Variants in ATP11B observed in about 807,000 individuals in gnomAD.
ATP11B encodes the protein ATPase phospholipid transporting 11B (putative).
In ATP11B, 81 loss-of-function variants were observed where a neutral mutation model predicts 157.8. The observed-to-expected ratio is 0.51, with a 90% CI of 0.43 to 0.62. The LOEUF (loss-of-function observed/expected upper bound fraction) is 0.62. Ranked by LOEUF, ATP11B falls within the 20% of genes least tolerant of loss-of-function variation. ATP11B has a pLI of 0.00. For missense variants in ATP11B, 1,165 were observed against 1,402.2 expected (o/e 0.83, Z 2.70); for synonymous variants, 451 against 469.4 (o/e 0.96, Z 0.51).
At chr3:182,851,561 C>A (rs556379582) in intron 10 of ATP11B, among the ~76,000 whole-genome samples, 2 of 152,204 alleles carry the variant, frequency 1.3e-5, no homozygotes, top group South Asian at 4.1e-4. Context: ...AAAGGTCTTA[C>A]ATTTTACATG....
In ATP11B at chr3:182,828,166, G is replaced by T; in HGVS notation, c.191G>T (p.Arg64Ile). 6.6e-7 allele frequency: 1 copy of T among 1,514,358 alleles called. No homozygotes were observed. The highest frequency in any genetic ancestry group is 8.9e-7 in the Non-Finnish European group (1 of 1,121,490). The allele number at this position is 1,514,358 out of a possible 1,614,324, so 93.8% of individuals were successfully genotyped here. The change falls in exon 3 of 30, where the codon AGA becomes ATA. Residue 64 changes from arginine (R) to isoleucine (I), a missense_variant. Physicochemically the swap from Arg to Ile is moderately conservative, Grantham distance 97. Coordinates refer to ENST00000323116, the MANE Select transcript of ATP11B (RefSeq NM_014616.3). ...FVPKNLFEQF[R>I]RVANFYFLII... ...CCAAAAAATTTATTTGAACAGTTCA[G>T]AAGAGTGGCAAACTTTTATTTTCTT...
intron 29 of ATP11B, 144 bp from the exon 30 acceptor site, chr3:182,917,879 C>T (rs1343699544): frequency 9.1e-6 from 12 of 1,317,320 alleles, no homozygotes; most frequent in South Asian, 2.6e-5. Context: ...TTTGGGCATT[C>T]GATACTAGTA....
intron 29 of ATP11B, chr3:182,914,703 C>T: frequency 1.0e-6 from 1 of 985,300 alleles, no homozygotes. Context: ...TGCTGTTGTG[C>T]ACCATAACGA....
chr3:182,805,233 A>T (rs533981783), intron 1 of ATP11B, among the ~76,000 whole-genome samples: 1 of 152,196 alleles, frequency 6.6e-6, no homozygotes, highest in Non-Finnish European at 1.5e-5. Flanking sequence ...ACCATTTTAC[A>T]TTCCCACTAG....
At chr3:182,902,737 A>C (rs148787219) in intron 28 of ATP11B, among the ~76,000 whole-genome samples, 83 of 152,332 alleles carry the variant, frequency 5.4e-4, no homozygotes, top group Admixed American at 3.1e-3. Context: ...CCTAAAAAAA[A>C]AAATCCATTT....
chr3:182,867,248 A>G, intron 14 of ATP11B, 128 bp from the exon 15 acceptor site: 1 of 663,226 alleles, frequency 1.5e-6, no homozygotes, highest in Non-Finnish European at 2.6e-6. Context: ...TAATATTAAA[A>G]GGAAATATTT....
In ATP11B at chr3:182,880,990, T is replaced by G. The variant is rs907639508; in HGVS notation, c.2509+9T>G. On this transcript the variant is annotated intron_variant, in intron 21 of 29. Transcript: ENST00000323116. Reference sequence around the variant, plus strand: ...AGCCCATGTTGGCATAGGTGATTGATTCTTCCTGAAAAGTTTTTCCTGAAC... The same window carrying G: ...AGCCCATGTTGGCATAGGTGATTGAGTCTTCCTGAAAAGTTTTTCCTGAAC... 3.2e-6 allele frequency: 5 copies of G among 1,567,540 alleles called. No homozygotes were observed. The highest frequency in any genetic ancestry group is 3.4e-6 in the Non-Finnish European group (4 of 1,162,098).
At chr3:182,868,373 T>A (rs1721402098) in intron 15 of ATP11B, among the ~76,000 whole-genome samples, 1 of 149,946 alleles carries the variant, frequency 6.7e-6, no homozygotes, top group Non-Finnish European at 1.5e-5. Context: ...TTGGCTACTT[T>A]CATGTGAGAG....
chr3:182,886,434 C>T (rs1409889828), intron 23 of ATP11B, among the ~76,000 whole-genome samples: 1 of 152,064 alleles, frequency 6.6e-6, no homozygotes, highest in East Asian at 1.9e-4. Flanking sequence ...TAGGTTTTAT[C>T]TCAGAAGCTA....
chr3:182,889,630 T>C (rs1723042496), intron 25 of ATP11B, 82 bp downstream of exon 25: 1 of 1,221,234 alleles, frequency 8.2e-7, no homozygotes, highest in Non-Finnish European at 1.1e-6. Context: ...TAAAATTTAA[T>C]TTAAATTACA....
At chr3:182,826,497 C>T (rs1168855078) in intron 2 of ATP11B, among the ~76,000 whole-genome samples, 1 of 152,146 alleles carries the variant, frequency 6.6e-6, no homozygotes, top group African/African-American at 2.4e-5. Flanking sequence ...TTAAGATCAC[C>T]TGCAGGTGAC....
chr3:182,897,492 C>T (rs1723636058), intron 27 of ATP11B, 86 bp downstream of exon 27: 2 of 960,204 alleles, frequency 2.1e-6, no homozygotes, highest in Non-Finnish European at 3.1e-6. Context: ...ACATATTCTG[C>T]TCATAACAGA....
chr3:182,872,460 G>A lies in ATP11B; in HGVS notation c.1971G>A (p.Arg657=), dbSNP rs1721734321. ...AAGCCAGGACTGCCTTGCAGCAGCG[G>A]GAAGAGAAATTGGCAGCTGTTTTCC... ...IFEARTALQQ[R]EEKLAAVFQF... is the part of the protein sequence containing the mutation. Residue 657 remains arginine, a synonymous_variant, in exon 18 of 30, where the codon CGG becomes CGA. Coordinates refer to ENST00000323116, the MANE Select transcript of ATP11B (RefSeq NM_014616.3). 3 of 1,614,032 alleles carry A rather than the reference G, an allele frequency of 1.9e-6. No homozygotes were observed. Among genetic ancestry groups the A allele is most frequent in the Admixed American group, 3.3e-5 (2 of 60,002 alleles).
At chr3:182,889,719 TTGAC>T (rs558215206) in intron 25 of ATP11B, among the ~76,000 whole-genome samples, 171 bp downstream of exon 25, 2 of 152,194 alleles carry the variant, frequency 1.3e-5, no homozygotes, top group African/African-American at 4.8e-5. Context: ...CAAGTGAAAA[TTGAC>T]AGGCAATACA....
chr3:182,813,076 C>T (rs150343721), intron 1 of ATP11B, among the ~76,000 whole-genome samples: 46 of 152,308 alleles, frequency 3.0e-4, no homozygotes, highest in African/African-American at 1.1e-3. Flanking sequence ...TATAATATTT[C>T]ATTGCCTGTA....
At chr3:182,831,969 A>G (rs1718182747) in intron 4 of ATP11B, among the ~76,000 whole-genome samples, 1 of 152,322 alleles carries the variant, frequency 6.6e-6, no homozygotes, top group East Asian at 1.9e-4. Flanking sequence ...ACAGATGAAT[A>G]AATGAATGAA....
At chr3:182,882,650 A>C (rs1722508451) in intron 21 of ATP11B, among the ~76,000 whole-genome samples, 1 of 152,194 alleles carries the variant, frequency 6.6e-6, no homozygotes, top group African/African-American at 2.4e-5. Context: ...GCGGTATGGA[A>C]GAATCTTTTG....
intron 11 of ATP11B, 47 bp from the exon 12 acceptor site, chr3:182,859,115 A>G (rs756250396): frequency 3.5e-6 from 5 of 1,428,542 alleles, no homozygotes; most frequent in Non-Finnish European, 4.8e-6. Context: ...TACTGAAGAA[A>G]TTCTAGTTTA....
rs1460276412 is a variant in ATP11B, at chr3:182,828,147, A to G, written c.172A>G (p.Asn58Asp). Residue 58 changes from asparagine to aspartate, a missense_variant, in exon 3 of 30, where the codon AAT becomes GAT. By Grantham distance (23) the Asn-to-Asp change is conservative. This residue lies in a region of ATP11B where 91 missense variants were observed against 95.8 expected (regional missense o/e 0.95). Transcript: ENST00000323116. ...KYTVWNFVPK[N>D]LFEQFRRVAN... Reference sequence around the variant, plus strand: ...CACTGTGTGGAATTTTGTTCCAAAAAATTTATTTGAACAGTTCAGAAGAGT... The same window carrying G: ...CACTGTGTGGAATTTTGTTCCAAAAGATTTATTTGAACAGTTCAGAAGAGT... The G allele has an allele frequency of 1.4e-6, 2 of 1,480,130 alleles. No homozygotes were observed. Among genetic ancestry groups the G allele is most frequent in the Non-Finnish European group, 1.8e-6 (2 of 1,104,612 alleles). The allele number at this position is 1,480,130 out of a possible 1,614,324, so 91.7% of individuals were successfully genotyped here. A position where few individuals can be genotyped will look rare whatever the true frequency, so the allele number is the denominator to read the frequency against.
Sources: gnomAD v4.1 joint callset for allele counts (sites outside exome capture counted in the v4.1 genomes callset) on GRCh38, gnomAD v4.1.1 for gene constraint, gnomAD v4.1.1 regional missense constraint, MANE v1.5 for transcripts, NCBI Gene and HGNC (gene_info 2026-07-23, HGNC 2026-07-21) for gene names.